Variants in CSMD2 observed in about 807,000 individuals in gnomAD.
CSMD2 encodes CUB and sushi domain-containing protein 2.
CSMD2 carries 130 observed loss-of-function variants against 398.5 expected under a neutral mutation model. The observed-to-expected ratio is 0.33, with a 90% CI of 0.28 to 0.38. The LOEUF (loss-of-function observed/expected upper bound fraction) is 0.38. CSMD2 is among the 10% of genes least tolerant of loss of function. The pLI, the probability that CSMD2 is intolerant of heterozygous loss-of-function variation, is 1.00. For synonymous variants in CSMD2, 1,828 were observed against 1,908.5 expected (o/e 0.96, Z 1.10); for missense variants, 3,829 against 4,764.9 (o/e 0.80, Z 5.78).
rs1312068868 is a variant in CSMD2 at position 33,788,624 on chromosome 1, G to A, written c.1639C>T (p.Leu547=). 6.2e-7 allele frequency: 1 copy of A among 1,612,444 alleles called. No homozygotes were observed. The highest frequency in any genetic ancestry group is 2.2e-5 in the East Asian group (1 of 44,878). Residue 547 remains leucine, a synonymous_variant, in exon 12 of 71, where the codon CTG becomes TTG. Transcript: ENST00000373381. ...LFQTDGSGSS[L]GFKASYEEIE... ...CCTTCATAAGAAGCCTTGAATCCCAGGGAACTGCCACTGCCATCAGTCTGG... is the reference window on the plus strand; with the variant it reads ...CCTTCATAAGAAGCCTTGAATCCCAAGGAACTGCCACTGCCATCAGTCTGG...
At chr1:33,739,382 G>C (rs575043732) in intron 14 of CSMD2, 48 bp from the exon 15 acceptor site, 2 of 1,514,214 alleles carry the variant, frequency 1.3e-6, no homozygotes. Flanking sequence ...CTGGAGTAGA[G>C]AAGAATCCCT....
At chr1:33,949,012 T>TG (rs1454129466) in intron 3 of CSMD2, among the ~76,000 whole-genome samples, 8 of 152,126 alleles carry the variant, frequency 5.3e-5, no homozygotes, top group Non-Finnish European at 1.2e-4. Context: ...ATAACAGGTA[T>TG]GGATTAGGAG....
intron 21 of CSMD2, among the ~76,000 whole-genome samples, chr1:33,714,079 C>T (rs1414993086): frequency 1.3e-5 from 2 of 152,174 alleles, no homozygotes; most frequent in Non-Finnish European, 2.9e-5. Context: ...TTCCTTTTGT[C>T]CTCCCCTGCT....
rs116846542 is a variant in CSMD2, at chr1:34,089,379, G to A, written c.188-186C>T. Among the ~76,000 whole-genome samples, 886 of 152,216 alleles carry A rather than the reference G, an allele frequency of 5.8e-3. 9 individuals are homozygous for A. The highest frequency in any genetic ancestry group is 0.052 in the East Asian group (270 of 5,180). On this transcript the variant is annotated intron_variant, in intron 1 of 70. Coordinates refer to ENST00000373381, the MANE Select transcript of CSMD2 (RefSeq NM_001281956.2). ...AACGTTGATTGTCGGCTTGCTGTGCGCTGTGTACTGACCAGGTGATACATT... is the reference window on the plus strand; with the variant it reads ...AACGTTGATTGTCGGCTTGCTGTGCACTGTGTACTGACCAGGTGATACATT...
chr1:33,619,384 T>C (rs1296210208), intron 37 of CSMD2, among the ~76,000 whole-genome samples: 1 of 152,092 alleles, frequency 6.6e-6, no homozygotes, highest in Admixed American at 6.5e-5. Context: ...TAGGGGCTCA[T>C]GGAAAAGAAA....
chr1:33,649,036 T>C (rs528412636), intron 28 of CSMD2, among the ~76,000 whole-genome samples: 12 of 152,326 alleles, frequency 7.9e-5, no homozygotes, highest in Non-Finnish European at 1.5e-4. Context: ...AAGTTTATAT[T>C]TTTTATTTTC....
intron 62 of CSMD2, among the ~76,000 whole-genome samples, chr1:33,536,249 A>T (rs55714533): frequency 0.093 from 14,090 of 151,920 alleles, 669 homozygotes; most frequent in African/African-American, 0.12. Flanking sequence ...TCTGAGACCG[A>T]GTCTCGCTCT....
At chr1:33,866,365 G>C (rs902830304) in intron 5 of CSMD2, among the ~76,000 whole-genome samples, 4 of 152,212 alleles carry the variant, frequency 2.6e-5, no homozygotes, top group African/African-American at 9.7e-5. Context: ...GATGATGAAA[G>C]TGAATGCAGA....
chr1:34,092,577 G>A (rs374349939), intron 1 of CSMD2, among the ~76,000 whole-genome samples: 2 of 152,188 alleles, frequency 1.3e-5, no homozygotes, highest in Admixed American at 6.5e-5. Flanking sequence ...GAAGCAGGGC[G>A]AGGCATTGCC....
At chr1:34,151,992 G>C (rs924706262) in intron 1 of CSMD2, among the ~76,000 whole-genome samples, 1 of 152,132 alleles carries the variant, frequency 6.6e-6, no homozygotes, top group Non-Finnish European at 1.5e-5. Flanking sequence ...ACAGGCACAT[G>C]CCACTATACC....
intron 24 of CSMD2, among the ~76,000 whole-genome samples, chr1:33,697,013 G>T (rs751196018): frequency 1.3e-5 from 2 of 152,150 alleles, no homozygotes; most frequent in African/African-American, 2.4e-5. Context: ...CCCCTAGCAG[G>T]CTAGAGGCAG....
chr1:33,601,436 T>A (rs1242583049), intron 43 of CSMD2, among the ~76,000 whole-genome samples: 1 of 152,200 alleles, frequency 6.6e-6, no homozygotes, highest in African/African-American at 2.4e-5. Flanking sequence ...CACAATGCCT[T>A]TTGGGACAAA....
intron 2 of CSMD2, among the ~76,000 whole-genome samples, chr1:34,035,272 T>C (rs188404077): frequency 2.7e-4 from 41 of 152,228 alleles, no homozygotes; most frequent in Non-Finnish European, 4.1e-4. Flanking sequence ...CACTAGAGAA[T>C]TCTACCAAAC....
chr1:34,138,250 T>C (rs1638943499), intron 1 of CSMD2, among the ~76,000 whole-genome samples: 1 of 152,260 alleles, frequency 6.6e-6, no homozygotes. Context: ...GTTTGAGGCA[T>C]GTACATTGTA....
intron 9 of CSMD2, chr1:33,814,330 A>G (rs542018488): frequency 1.3e-5 from 2 of 152,296 alleles, no homozygotes; most frequent in East Asian, 3.9e-4. Context: ...ATGAATGTCT[A>G]TTATAAACTC....
chr1:33,581,127 C>A (rs1638669765), intron 47 of CSMD2, among the ~76,000 whole-genome samples: 2 of 151,984 alleles, frequency 1.3e-5, no homozygotes, highest in Non-Finnish European at 2.9e-5. Flanking sequence ...TAGGGGCTGG[C>A]AGGTAAGATG....
At chr1:34,001,185 A>G (rs1432958946) in intron 3 of CSMD2, among the ~76,000 whole-genome samples, 2 of 152,220 alleles carry the variant, frequency 1.3e-5, no homozygotes, top group South Asian at 4.1e-4. Context: ...ATATATAAAC[A>G]TGATTATATG....
At chr1:33,732,082 G>A (rs1646738091) in intron 15 of CSMD2, among the ~76,000 whole-genome samples, 1 of 152,076 alleles carries the variant, frequency 6.6e-6, no homozygotes, top group Non-Finnish European at 1.5e-5. Flanking sequence ...CAAGGTGAAG[G>A]CAAAAACAGG....
chr1:33,891,599 C>T (rs1324230298), intron 5 of CSMD2, among the ~76,000 whole-genome samples: 9 of 151,732 alleles, frequency 5.9e-5, no homozygotes, highest in African/African-American at 1.5e-4. Context: ...CACATGCACA[C>T]GTATGTTTAT....
Sources: allele counts gnomAD v4.1 joint callset (sites outside exome capture counted in the v4.1 genomes callset), GRCh38; gene constraint gnomAD v4.1.1; transcripts MANE v1.5; gene names NCBI Gene and HGNC (gene_info 2026-07-23, HGNC 2026-07-21).